SLC39A14: variants seen among roughly 807,000 people sequenced by gnomAD.
SLC39A14 encodes metal cation symporter ZIP14.
In SLC39A14, 19 loss-of-function variants were observed where a neutral mutation model predicts 45.5. The ratio of observed to expected loss-of-function variants is 0.42; its 90% CI spans 0.29 to 0.61. The LOEUF (loss-of-function observed/expected upper bound fraction) is 0.61. Ranked by LOEUF, SLC39A14 falls within the 20% of genes least tolerant of loss-of-function variation. SLC39A14 has a pLI of 0.22. For synonymous variants in SLC39A14, 264 were observed against 251.3 expected (o/e 1.05, Z -0.48); for missense variants, 447 against 616.5 (o/e 0.73, Z 2.91).
intron 1 of SLC39A14, among the ~76,000 whole-genome samples, chr8:22,383,564 C>A (rs1833627513): frequency 6.6e-6 from 1 of 152,184 alleles, no homozygotes; most frequent in African/African-American, 2.4e-5. Flanking sequence ...CCCGGCCAGG[C>A]CCCAGGGACT....
intron 1 of SLC39A14, among the ~76,000 whole-genome samples, chr8:22,383,629 C>T (rs770984568): frequency 1.3e-5 from 2 of 152,122 alleles, no homozygotes; most frequent in African/African-American, 2.4e-5. Flanking sequence ...CAGGTGGAGC[C>T]GTGCTGGCCT....
chr8:22,419,831 A>G lies in SLC39A14; in HGVS notation c.*133A>G. ...AAACTGACACAGACTGTATTCCTGC[A>G]TTCAAATGTCAGCCGTTTGTAAAAT... On this transcript the variant is annotated 3_prime_UTR_variant, in exon 9 of 9. Transcript: ENST00000381237. 7.2e-7 allele frequency: 1 copy of G among 1,393,062 alleles called. No homozygotes were observed. The allele number at this position is 1,393,062 out of a possible 1,614,324, so 86.3% of individuals were successfully genotyped here. A position where few individuals can be genotyped will look rare whatever the true frequency, so the allele number is the denominator to read the frequency against.
At chr8:22,384,385 G>A (rs901610650) in intron 1 of SLC39A14, among the ~76,000 whole-genome samples, 21 of 150,976 alleles carry the variant, frequency 1.4e-4, no homozygotes, top group African/African-American at 4.9e-4. Context: ...CTGCCTGCCC[G>A]CCCGGGCCTC....
intron 8 of SLC39A14, among the ~76,000 whole-genome samples, chr8:22,433,243 A>G (rs1158370812): frequency 6.6e-6 from 1 of 152,014 alleles, no homozygotes; most frequent in Non-Finnish European, 1.5e-5. Context: ...TGAGGGTATG[A>G]ATTATGTCAG....
At chr8:22,368,606 G>A (rs1225858739) in intron 1 of SLC39A14, among the ~76,000 whole-genome samples, 2 of 151,796 alleles carry the variant, frequency 1.3e-5, no homozygotes, top group East Asian at 1.9e-4. Flanking sequence ...GCGCGATCTC[G>A]GCTCACTGCA....
chr8:22,423,995 T>C (rs1327028384), downstream of SLC39A14, among the ~76,000 whole-genome samples: 1 of 149,018 alleles, frequency 6.7e-6, no homozygotes, highest in Non-Finnish European at 1.5e-5. Flanking sequence ...TTTTTTTTTA[T>C]AGAAACATCT....
intron 1 of SLC39A14, among the ~76,000 whole-genome samples, chr8:22,379,944 AAAAG>A (rs1833417519): frequency 1.5e-5 from 2 of 135,856 alleles, no homozygotes; most frequent in Non-Finnish European, 3.1e-5. Flanking sequence ...AAAAAAAAAA[AAAAG>A]AAAAGAAAAG....
Position 22,420,842 on chromosome 8 carries a change from C to T in SLC39A14, c.*1144C>T. 2.0e-6 allele frequency: 2 copies of T among 985,414 alleles called. No individual in the cohort carries two copies. The highest frequency in any genetic ancestry group is 2.4e-6 in the Non-Finnish European group (2 of 829,930). 61.0% of individuals were successfully genotyped at this position (985,414 alleles called of 1,614,324 possible). A position where few individuals can be genotyped will look rare whatever the true frequency, so the allele number is the denominator to read the frequency against. On this transcript the variant is annotated 3_prime_UTR_variant, in exon 9 of 9. Coordinates refer to ENST00000381237, the MANE Select transcript of SLC39A14 (RefSeq NM_001128431.4). ...CGCAGATGTTTGCAGAATGGTTGGC[C>T]TAATGATTATGCTACAGATGGGTTT...
chr8:22,426,872 T>TG (rs1222503572), downstream of SLC39A14, among the ~76,000 whole-genome samples: 1 of 151,920 alleles, frequency 6.6e-6, no homozygotes, highest in Non-Finnish European at 1.5e-5. Context: ...TTAGTAGAGA[T>TG]GGGGTTTTCG....
chr8:22,414,479 A>G (rs189641836), intron 4 of SLC39A14, among the ~76,000 whole-genome samples: 29 of 152,386 alleles, frequency 1.9e-4, no homozygotes, highest in Non-Finnish European at 3.5e-4. Flanking sequence ...CAAAGCACCA[A>G]GATAAATCAA....
Position 22,417,847 on chromosome 8 carries a change from A to C in SLC39A14, c.1332+12A>C. On this transcript the variant is annotated intron_variant, in intron 8 of 8. Transcript: ENST00000381237. ...CTCTGGCTGATATGGTAAGTGTTCC[A>C]CAGTTCACTGGATGAGAGGGCGGCT... 1 of 1,610,494 alleles carries C rather than the reference A, an allele frequency of 6.2e-7. No homozygotes were observed. The highest frequency in any genetic ancestry group is 1.3e-5 in the African/African-American group (1 of 74,946).
intron 1 of SLC39A14, among the ~76,000 whole-genome samples, chr8:22,382,107 A>C (rs1833545681): frequency 1.3e-5 from 2 of 152,220 alleles, no homozygotes; most frequent in South Asian, 4.2e-4. Flanking sequence ...ATGCTACTGC[A>C]CTCCAGCCTG....
intron 3 of SLC39A14, among the ~76,000 whole-genome samples, chr8:22,410,501 C>G (rs1397007770): frequency 7.2e-6 from 1 of 138,986 alleles, no homozygotes; most frequent in Non-Finnish European, 1.5e-5. Flanking sequence ...GTCTGGGCAC[C>G]AAGAGCTTAT....
chr8:22,371,808 G>C (rs1406413396), intron 1 of SLC39A14, among the ~76,000 whole-genome samples: 1 of 148,876 alleles, frequency 6.7e-6, no homozygotes, highest in Non-Finnish European at 1.5e-5. Context: ...GCAGTGGCAC[G>C]ATCTCGGCTC....
In SLC39A14 at chr8:22,422,210, A is replaced by G. The variant is rs900064641; in HGVS notation, c.*2512A>G. On this transcript the variant is annotated 3_prime_UTR_variant, in exon 9 of 9. Coordinates refer to ENST00000381237, the MANE Select transcript of SLC39A14 (RefSeq NM_001128431.4). ...TCATTTTCCAGATGCACCAGCTCCT[A>G]TTAATAAGTTAGCAAGGAAAGTGTA... 22 of 985,334 alleles carry G rather than the reference A, an allele frequency of 2.2e-5. No individual in the cohort carries two copies. The highest frequency in any genetic ancestry group is 2.7e-5 in the Non-Finnish European group (22 of 829,944). The allele number at this position is 985,334 out of a possible 1,614,324, so 61.0% of individuals were successfully genotyped here. A position where few individuals can be genotyped will look rare whatever the true frequency, so the allele number is the denominator to read the frequency against.
At chr8:22,433,705 G>A (rs769726834) in intron 8 of SLC39A14, among the ~76,000 whole-genome samples, 4 of 151,808 alleles carry the variant, frequency 2.6e-5, no homozygotes, top group Non-Finnish European at 5.9e-5. Flanking sequence ...GACCACAGGC[G>A]CATGCCACCA....
At chr8:22,403,343 G>A (rs1003461670) in intron 1 of SLC39A14, among the ~76,000 whole-genome samples, 1 of 151,090 alleles carries the variant, frequency 6.6e-6, no homozygotes, top group Non-Finnish European at 1.5e-5. Flanking sequence ...GCAATGGCGC[G>A]ATCTTGGCTC....
intron 1 of SLC39A14, among the ~76,000 whole-genome samples, chr8:22,384,008 A>G (rs965792980): frequency 6.6e-6 from 1 of 152,064 alleles, no homozygotes; most frequent in East Asian, 1.9e-4. Context: ...TCCATGTCTC[A>G]GTTCCTGTTC....
chr8:22,424,325 G>T (rs1836345428), downstream of SLC39A14, among the ~76,000 whole-genome samples: 1 of 152,036 alleles, frequency 6.6e-6, no homozygotes, highest in African/African-American at 2.4e-5. Context: ...GTAGGGTCAG[G>T]GATCTGTTTT....
Sources: allele counts gnomAD v4.1 joint callset (sites outside exome capture counted in the v4.1 genomes callset), GRCh38; gene constraint gnomAD v4.1.1; transcripts MANE v1.5; gene names NCBI Gene and HGNC (gene_info 2026-07-23, HGNC 2026-07-21).